The following PPP1R13B variants were observed in gnomAD, a reference collection of about 807,000 sequenced individuals.
PPP1R13B encodes the protein protein phosphatase 1 regulatory subunit 13B.
In PPP1R13B, 44 loss-of-function variants were observed where a neutral mutation model predicts 119.8. The ratio of observed to expected loss-of-function variants is 0.37; its 90% CI spans 0.29 to 0.47. The LOEUF is 0.47. Ranked by LOEUF, PPP1R13B falls within the 20% of genes least tolerant of loss-of-function variation. The pLI is 0.99. For synonymous variants in PPP1R13B, 542 were observed against 561.5 expected (o/e 0.97, Z 0.49); for missense variants, 1,227 against 1,413.5 (o/e 0.87, Z 2.12).
chr14:103,820,935 T>G (rs2086392697), intron 1 of PPP1R13B, among the ~76,000 whole-genome samples: 1 of 152,128 alleles, frequency 6.6e-6, no homozygotes, highest in African/African-American at 2.4e-5. Context: ...TTCTTGTAAT[T>G]TGAGTTAGTA....
chr14:103,778,198 C>A (rs1360669728), intron 4 of PPP1R13B, among the ~76,000 whole-genome samples: 1 of 142,958 alleles, frequency 7.0e-6, no homozygotes, highest in Non-Finnish European at 1.5e-5. Context: ...AGGGGATCTG[C>A]CCGCCTCGGC....
In PPP1R13B at chr14:103,776,288, G is replaced by A. The variant is rs139642423; in HGVS notation, c.354+2457C>T. Among the ~76,000 whole-genome samples the A allele has an allele frequency of 8.6e-4, 131 of 152,182 alleles. 3 individuals carry two copies. In the East Asian group the frequency reaches 0.02, roughly 24 times the overall value. ...CATTTTACAAAGAGCAAGGTCCAGA[G>A]ATACTGTTTAAAGTTGATAGTACAA... On this transcript the variant is annotated intron_variant, in intron 4 of 16. Coordinates refer to ENST00000202556, the MANE Select transcript of PPP1R13B (RefSeq NM_015316.3).
chr14:103,778,357 G>A (rs1040595899), intron 4 of PPP1R13B, among the ~76,000 whole-genome samples: 60 of 149,330 alleles, frequency 4.0e-4, no homozygotes, highest in African/African-American at 1.5e-3. Context: ...TGCCTCCCGG[G>A]TTCCAGCAAT....
At chr14:103,815,851 A>C (rs1239254848) in intron 1 of PPP1R13B, among the ~76,000 whole-genome samples, 2 of 152,132 alleles carry the variant, frequency 1.3e-5, no homozygotes, top group African/African-American at 4.8e-5. Flanking sequence ...TGGGAGGCCG[A>C]GGCGGGCAGA....
At chr14:103,739,199 CA>C in intron 12 of PPP1R13B, 176 bp from the exon 13 acceptor site, 1 of 744,454 alleles carries the variant, frequency 1.3e-6, no homozygotes, top group South Asian at 1.8e-5. Context: ...GGGCCAGGGC[CA>C]CTCTGCTCAC....
chr14:103,789,061 G>A (rs938956104), intron 2 of PPP1R13B, among the ~76,000 whole-genome samples: 2 of 152,084 alleles, frequency 1.3e-5, no homozygotes, highest in African/African-American at 4.8e-5. Context: ...CTGATTTATA[G>A]CAACAAACAA....
intron 7 of PPP1R13B, among the ~76,000 whole-genome samples, chr14:103,751,029 C>T (rs1306535817): frequency 1.3e-5 from 2 of 151,936 alleles, no homozygotes; most frequent in Non-Finnish European, 1.5e-5. Flanking sequence ...TGGCGGGTGC[C>T]TGTAATCCCA....
In PPP1R13B at chr14:103,847,370, C is replaced by G; in HGVS notation, c.-63G>C. ...ACAGGACGCTCCGCGCCGAGCTGTG[C>G]CCACCGCTCCGGCCGCCTCCTAAGG... On this transcript the variant is annotated 5_prime_UTR_variant, in exon 1 of 17. Coordinates refer to ENST00000202556, the MANE Select transcript of PPP1R13B (RefSeq NM_015316.3). The G allele has an allele frequency of 8.8e-7, 1 of 1,130,482 alleles. No individual in the cohort carries two copies. The highest frequency in any genetic ancestry group is 1.1e-6 in the Non-Finnish European group (1 of 917,936). The allele number at this position is 1,130,482 out of a possible 1,614,324, so 70.0% of individuals were successfully genotyped here.
intron 1 of PPP1R13B, among the ~76,000 whole-genome samples, chr14:103,800,247 T>C (rs2085866437): frequency 6.6e-6 from 1 of 151,670 alleles, no homozygotes; most frequent in African/African-American, 2.4e-5. Flanking sequence ...TCCCAGGAAT[T>C]TGAAGCTGCA....
chr14:103,800,523 CCG>C (rs1358338292), intron 1 of PPP1R13B, among the ~76,000 whole-genome samples: 1 of 151,206 alleles, frequency 6.6e-6, no homozygotes, highest in East Asian at 2.0e-4. Context: ...GCGTGGTGGC[CCG>C]CGCCTCTAGT....
intron 1 of PPP1R13B, among the ~76,000 whole-genome samples, chr14:103,804,416 T>C (rs1042323817): frequency 2.0e-5 from 3 of 152,122 alleles, no homozygotes; most frequent in Non-Finnish European, 2.9e-5. Flanking sequence ...ATTGAGGATG[T>C]ATAAGCTATT....
At chr14:103,774,333 T>C (rs1329110426) in intron 4 of PPP1R13B, among the ~76,000 whole-genome samples, 4 of 152,290 alleles carry the variant, frequency 2.6e-5, no homozygotes, top group African/African-American at 4.8e-5. Context: ...CTAAGTCGAA[T>C]GTGTCTTTCC....
chr14:103,755,257 G>C (rs187460249), intron 5 of PPP1R13B, among the ~76,000 whole-genome samples: 58 of 152,262 alleles, frequency 3.8e-4, no homozygotes, highest in African/African-American at 1.4e-3. Flanking sequence ...CTACAAAGTG[G>C]CTTCCAAGAA....
At chr14:103,787,561 G>A (rs2085500546) in intron 2 of PPP1R13B, among the ~76,000 whole-genome samples, 1 of 149,506 alleles carries the variant, frequency 6.7e-6, no homozygotes, top group Non-Finnish European at 1.5e-5. Context: ...GCTTACACCT[G>A]AATCCCAGCA....
At chr14:103,752,534 C>CTTTTTT (rs35277937) in intron 7 of PPP1R13B, among the ~76,000 whole-genome samples, 1 of 126,304 alleles carries the variant, frequency 7.9e-6, no homozygotes. Flanking sequence ...GAATTAGATC[C>CTTTTTT]TTTTTTTTTT....
intron 2 of PPP1R13B, among the ~76,000 whole-genome samples, chr14:103,789,243 G>A (rs1399705123): frequency 6.6e-6 from 1 of 152,076 alleles, no homozygotes; most frequent in African/African-American, 2.4e-5. Context: ...GGGGGGGATG[G>A]AGTCTCACTC....
intron 1 of PPP1R13B, among the ~76,000 whole-genome samples, chr14:103,815,206 T>C (rs569994292): frequency 3.9e-5 from 6 of 152,280 alleles, no homozygotes; most frequent in African/African-American, 1.4e-4. Context: ...TATGATTCTG[T>C]TTTTATAAAA....
upstream of PPP1R13B, chr14:103,847,658 T>C: frequency 1.0e-6 from 1 of 971,032 alleles, no homozygotes; most frequent in Non-Finnish European, 1.2e-6. Flanking sequence ...CGTAGCCCCC[T>C]CTGATTGGCC....
chr14:103,784,466 C>T (rs1375485410), intron 3 of PPP1R13B, among the ~76,000 whole-genome samples: 1 of 151,116 alleles, frequency 6.6e-6, no homozygotes, highest in Non-Finnish European at 1.5e-5. Context: ...ACCTGTAGTC[C>T]CAGCTACTTG....
Sources: allele counts gnomAD v4.1 joint callset (sites outside exome capture counted in the v4.1 genomes callset), GRCh38; gene constraint gnomAD v4.1.1; transcripts MANE v1.5; gene names NCBI Gene and HGNC (gene_info 2026-07-23, HGNC 2026-07-21).